DNM3: variants seen among roughly 807,000 people sequenced by gnomAD.
The protein encoded by DNM3 is dynamin 3.
Under a neutral mutation model 101.6 loss-of-function variants are expected in DNM3, and 47 were observed. That is an observed-to-expected ratio of 0.46 (90% CI 0.37 to 0.59). The LOEUF is 0.59. DNM3 is among the 20% of genes least tolerant of loss of function. The pLI is 0.00. For missense variants in DNM3, 849 were observed against 1,085.7 expected (o/e 0.78, Z 3.06); for synonymous variants, 385 against 387.9 (o/e 0.99, Z 0.09).
At position 171,841,649 on chromosome 1, in the gene DNM3, C is replaced by T. The variant is rs755570585; in HGVS notation, c.-8C>T. On this transcript the variant is annotated 5_prime_UTR_variant, in exon 1 of 21. Transcript: ENST00000627582. ...AGGGACCAGCTGGTCGCCGGCCCCT[C>T]GGGCAAGATGGGGAACCGGGAGATG... is the stretch of plus-strand genomic sequence containing the variant. 5.0e-6 allele frequency: 8 copies of T among 1,607,920 alleles called. No individual in the cohort carries two copies. The highest frequency in any genetic ancestry group is 1.7e-5 in the Admixed American group (1 of 59,428).
intron 12 of DNM3, among the ~76,000 whole-genome samples, chr1:172,086,991 G>C (rs752009017): frequency 6.6e-6 from 1 of 152,108 alleles, no homozygotes; most frequent in Non-Finnish European, 1.5e-5. Flanking sequence ...AGCCCTCTTT[G>C]AGTGGCCTTA....
intron 14 of DNM3, among the ~76,000 whole-genome samples, chr1:172,213,518 A>C (rs1429314680): frequency 5.9e-5 from 2 of 33,956 alleles, no homozygotes; most frequent in African/African-American, 5.0e-4. Context: ...CCATTGTTAC[A>C]AAAAAAAAAA....
intron 1 of DNM3, among the ~76,000 whole-genome samples, chr1:171,889,804 A>G (rs1317859242): frequency 6.6e-6 from 1 of 152,260 alleles, no homozygotes; most frequent in Non-Finnish European, 1.5e-5. Flanking sequence ...CCGGAAATGT[A>G]TTAGCAGAGA....
intron 15 of DNM3, among the ~76,000 whole-genome samples, chr1:172,291,942 A>G (rs549837324): frequency 6.6e-6 from 1 of 152,360 alleles, no homozygotes; most frequent in African/African-American, 2.4e-5. Context: ...ATCAGGATTC[A>G]GACATCTGAG....
intron 14 of DNM3, among the ~76,000 whole-genome samples, chr1:172,184,493 A>G (rs2148408451): frequency 6.6e-6 from 1 of 152,256 alleles, no homozygotes; most frequent in South Asian, 2.1e-4. Flanking sequence ...CTTCTAAACA[A>G]TGACCCTCAA....
At chr1:171,963,267 G>T (rs537835196) in intron 2 of DNM3, among the ~76,000 whole-genome samples, 69 of 152,226 alleles carry the variant, frequency 4.5e-4, no homozygotes, top group Middle Eastern at 3.4e-3. Flanking sequence ...CTAGTGAAAG[G>T]TATCAATCTG....
At chr1:172,061,124 A>G (rs2125912407) in intron 10 of DNM3, among the ~76,000 whole-genome samples, 1 of 149,798 alleles carries the variant, frequency 6.7e-6, no homozygotes, top group South Asian at 2.1e-4. Flanking sequence ...CCATCAGAGA[A>G]ATGCAAATCA....
chr1:171,943,983 G>GA (rs1020601220), intron 2 of DNM3, among the ~76,000 whole-genome samples: 1 of 151,108 alleles, frequency 6.6e-6, no homozygotes, highest in East Asian at 1.9e-4. Context: ...TATATTTTAA[G>GA]AAAAAAAAAG....
intron 10 of DNM3, among the ~76,000 whole-genome samples, chr1:172,056,182 A>T (rs942358052): frequency 6.6e-6 from 1 of 152,228 alleles, no homozygotes; most frequent in Non-Finnish European, 1.5e-5. Context: ...CACCTGGCTC[A>T]GAGGGTCCTA....
At chr1:171,903,160 A>G (rs1369242694) in intron 1 of DNM3, among the ~76,000 whole-genome samples, 1 of 151,826 alleles carries the variant, frequency 6.6e-6, no homozygotes, top group African/African-American at 2.4e-5. Context: ...GTCTCAAAAA[A>G]TATATATAAA....
At chr1:171,942,714 TG>T (rs1230104089) in intron 2 of DNM3, among the ~76,000 whole-genome samples, 12 of 152,308 alleles carry the variant, frequency 7.9e-5, no homozygotes, top group African/African-American at 2.9e-4. Flanking sequence ...CTGGGAGTAC[TG>T]GATTGCAGTT....
intron 2 of DNM3, among the ~76,000 whole-genome samples, chr1:171,935,936 C>G (rs2041382431): frequency 6.6e-6 from 1 of 151,254 alleles, no homozygotes; most frequent in Non-Finnish European, 1.5e-5. Flanking sequence ...TTGATGAACT[C>G]CTGAGCACAT....
chr1:172,004,564 A>G (rs931848831), intron 4 of DNM3, among the ~76,000 whole-genome samples: 2 of 151,938 alleles, frequency 1.3e-5, no homozygotes, highest in African/African-American at 4.8e-5. Flanking sequence ...GACATTTGGT[A>G]GAAGACAGCA....
intron 1 of DNM3, among the ~76,000 whole-genome samples, chr1:171,855,801 A>T (rs2033543385): frequency 6.6e-6 from 1 of 151,980 alleles, no homozygotes; most frequent in South Asian, 2.1e-4. Context: ...GTTTGCAAAA[A>T]TTTTCTCCCA....
intron 13 of DNM3, among the ~76,000 whole-genome samples, chr1:172,115,337 C>G (rs1383032052): frequency 6.6e-6 from 1 of 152,164 alleles, no homozygotes; most frequent in Non-Finnish European, 1.5e-5. Flanking sequence ...CCACCCTGCT[C>G]AAAGCTCCAT....
chr1:172,124,265 T>G (rs754655467), intron 13 of DNM3, among the ~76,000 whole-genome samples: 1 of 152,220 alleles, frequency 6.6e-6, no homozygotes, highest in African/African-American at 2.4e-5. Context: ...TTCCCAAAGG[T>G]GTTTTTAAGA....
intron 17 of DNM3, among the ~76,000 whole-genome samples, chr1:172,374,809 A>C (rs2068518690): frequency 6.6e-6 from 1 of 152,096 alleles, no homozygotes; most frequent in South Asian, 2.1e-4. Context: ...TTGAAGAACA[A>C]AACAATTGAC....
chr1:172,062,115 T>C (rs1439500180), intron 10 of DNM3, among the ~76,000 whole-genome samples: 1 of 152,240 alleles, frequency 6.6e-6, no homozygotes, highest in Non-Finnish European at 1.5e-5. Flanking sequence ...GCAATCTTTA[T>C]AATTGGTTCT....
At chr1:172,108,551 T>C (rs2055232785) in intron 13 of DNM3, among the ~76,000 whole-genome samples, 1 of 152,200 alleles carries the variant, frequency 6.6e-6, no homozygotes, top group African/African-American at 2.4e-5. Flanking sequence ...ATTTAAGAGA[T>C]AATCTCTTGA....
Sources: gnomAD v4.1 joint callset for allele counts (sites outside exome capture counted in the v4.1 genomes callset) on GRCh38, gnomAD v4.1.1 for gene constraint, MANE v1.5 for transcripts, NCBI Gene and HGNC (gene_info 2026-07-23, HGNC 2026-07-21) for gene names.